CRISPLD1: variants seen among roughly 807,000 people sequenced by gnomAD.
CRISPLD1 encodes the protein cysteine rich secretory protein LCCL domain containing 1, also known as cysteine-rich secretory protein LCCL domain-containing 1.
Under a neutral mutation model 77.5 loss-of-function variants are expected in CRISPLD1, and 60 were observed. The ratio of observed to expected loss-of-function variants is 0.77; its 90% CI spans 0.63 to 0.96. The LOEUF (loss-of-function observed/expected upper bound fraction) is 0.96, where lower values mean the gene tolerates loss of function less well. CRISPLD1 is among the 40% of genes least tolerant of loss of function. CRISPLD1 has a pLI of 0.00. For missense variants in CRISPLD1, 623 were observed against 615.8 expected (o/e 1.01, Z -0.12); for synonymous variants, 195 against 200.1 (o/e 0.97, Z 0.22).
chr8:74,995,313 A>G (rs1172268633), intron 2 of CRISPLD1, among the ~76,000 whole-genome samples: 2 of 152,272 alleles, frequency 1.3e-5, no homozygotes, highest in Non-Finnish European at 2.9e-5. Flanking sequence ...TAAAATGCAG[A>G]TATGACAATT....
chr8:75,018,994 C>T (rs1296916295), intron 10 of CRISPLD1, among the ~76,000 whole-genome samples: 2 of 152,184 alleles, frequency 1.3e-5, no homozygotes, highest in East Asian at 3.8e-4. Context: ...GTAAGCCAAG[C>T]AGTGGGTGTT....
In CRISPLD1 at chr8:74,984,905, A is replaced by T. The variant is rs1187378828; in HGVS notation, c.-78A>T. The stretch of plus-strand genomic sequence containing the variant: ...CGGTTTGGCTCACCTCTCCCAGGAA[A>T]CTTCACACTGGAGAGGTAAGGGCGA... On this transcript the variant is annotated 5_prime_UTR_variant, in exon 1 of 15. Transcript: ENST00000262207. 6.6e-6 allele frequency: 1 copy of T among 152,178 alleles called. No homozygotes were observed. Among genetic ancestry groups the T allele is most frequent in the Admixed American group, 6.5e-5 (1 of 15,282 alleles). The allele number at this position is 152,178 out of a possible 1,614,324, so 9.4% of individuals were successfully genotyped here.
chr8:75,009,602 C>A (rs1323999826), intron 2 of CRISPLD1, among the ~76,000 whole-genome samples: 1 of 151,352 alleles, frequency 6.6e-6, no homozygotes, highest in Admixed American at 6.6e-5. Context: ...AAAAAACCTA[C>A]AGATAAGTGT....
At chr8:74,985,422 A>C (rs975537837) in intron 1 of CRISPLD1, among the ~76,000 whole-genome samples, 1 of 151,998 alleles carries the variant, frequency 6.6e-6, no homozygotes, top group Non-Finnish European at 1.5e-5. Flanking sequence ...TGAAACATTC[A>C]CTCTCAATTT....
chr8:75,008,008 A>G (rs1341779353), intron 2 of CRISPLD1, among the ~76,000 whole-genome samples: 1 of 152,240 alleles, frequency 6.6e-6, no homozygotes, highest in East Asian at 1.9e-4. Context: ...TTATCTGTCA[A>G]AAAGTTTAAA....
chr8:74,998,685 C>CAAAAAAAAAAAAAAA (rs368258595), intron 2 of CRISPLD1, among the ~76,000 whole-genome samples: 2 of 50,982 alleles, frequency 3.9e-5, no homozygotes, highest in African/African-American at 7.2e-5. Context: ...GACTCCATCT[C>CAAAAAAAAAAAAAAA]AAAAAAAAAA....
intron 12 of CRISPLD1, among the ~76,000 whole-genome samples, chr8:75,020,815 C>T (rs80087819): frequency 0.01 from 1,583 of 152,172 alleles, 30 homozygotes; most frequent in African/African-American, 0.036. Context: ...TTAAAAAGCC[C>T]ATCTTTACCT....
rs146467876 is a variant in CRISPLD1 at position 75,008,439 on chromosome 8, C to T, written c.259-3994C>T. ...GTAGAACTTACTGGCAGTTTTAAAA[C>T]GTGAAATAATATGTTGTAGCTTTAA... is the stretch of plus-strand genomic sequence containing the variant. On this transcript the variant is annotated intron_variant, in intron 2 of 14. Coordinates refer to ENST00000262207, the MANE Select transcript of CRISPLD1 (RefSeq NM_031461.6). Among the ~76,000 whole-genome samples the T allele has an allele frequency of 2.0e-3, 299 of 152,228 alleles. 1 individual carries two copies. The highest frequency in any genetic ancestry group is 6.5e-3 in the African/African-American group (271 of 41,538).
At chr8:74,988,448 T>C (rs1173651363) in intron 2 of CRISPLD1, among the ~76,000 whole-genome samples, 3 of 152,292 alleles carry the variant, frequency 2.0e-5, no homozygotes, top group Admixed American at 6.5e-5. Context: ...GTTAACTCTT[T>C]GTCTTTAAAC....
chr8:75,009,436 G>C (rs1413265500), intron 2 of CRISPLD1, among the ~76,000 whole-genome samples: 1 of 152,114 alleles, frequency 6.6e-6, no homozygotes. Flanking sequence ...AAATTCAAGG[G>C]AAGAGGGGGG....
chr8:75,016,861 A>G lies in CRISPLD1; in HGVS notation c.869-20A>G. ...TGCTTTTATATTATTTAAGTTATTT[A>G]GGTATTTTTTTCTTTGTAGCCCAAA... On this transcript the variant is annotated intron_variant, in intron 7 of 14. Transcript: ENST00000262207. 6.5e-7 allele frequency: 1 copy of G among 1,547,216 alleles called. No homozygotes were observed. Among genetic ancestry groups the G allele is most frequent in the Non-Finnish European group, 8.8e-7 (1 of 1,142,552 alleles).
chr8:75,032,310 CTG>C lies in CRISPLD1; in HGVS notation c.*70_*71del. The C allele has an allele frequency of 1.6e-6, 2 of 1,259,884 alleles. No individual in the cohort carries two copies. The highest frequency in any genetic ancestry group is 1.8e-5 in the Admixed American group (1 of 54,204). 78.0% of individuals were successfully genotyped at this position (1,259,884 alleles called of 1,614,324 possible). A position where few individuals can be genotyped will look rare whatever the true frequency, so the allele number is the denominator to read the frequency against. Reference sequence around the variant, plus strand: ...CAATATTTCTGAATTTTGTATAAAACTGTAACATTACTGTACAGAGTACATCA... The same window carrying C: ...CAATATTTCTGAATTTTGTATAAAACTAACATTACTGTACAGAGTACATCA... On this transcript the variant is annotated 3_prime_UTR_variant, in exon 15 of 15. Coordinates refer to ENST00000262207, the MANE Select transcript of CRISPLD1 (RefSeq NM_031461.6).
At chr8:75,004,931 TATTAAG>T (rs905846855) in intron 2 of CRISPLD1, among the ~76,000 whole-genome samples, 4 of 152,288 alleles carry the variant, frequency 2.6e-5, no homozygotes, top group African/African-American at 9.6e-5. Context: ...TTTAACTTTT[TATTAAG>T]ATTATCTTCT....
At chr8:75,002,258 A>G (rs551068513) in intron 2 of CRISPLD1, among the ~76,000 whole-genome samples, 84 of 151,088 alleles carry the variant, frequency 5.6e-4, no homozygotes, top group Non-Finnish European at 2.2e-4. Flanking sequence ...TCTCTTACCC[A>G]TATAAATACC....
chr8:75,019,149 A>G (rs1813088952), intron 10 of CRISPLD1, among the ~76,000 whole-genome samples: 1 of 152,150 alleles, frequency 6.6e-6, no homozygotes, highest in African/African-American at 2.4e-5. Flanking sequence ...TCTTTTGGAC[A>G]CGTTATAGAT....
chr8:74,989,186 T>A (rs1812537086), intron 2 of CRISPLD1, among the ~76,000 whole-genome samples: 1 of 152,116 alleles, frequency 6.6e-6, no homozygotes. Flanking sequence ...CAGATTAAGT[T>A]CATGGAAGCA....
chr8:75,010,790 T>C (rs1013521573), intron 2 of CRISPLD1, among the ~76,000 whole-genome samples: 1 of 152,056 alleles, frequency 6.6e-6, no homozygotes, highest in African/African-American at 2.4e-5. Flanking sequence ...AGAATTTTCT[T>C]TTTTATTCGT....
At chr8:74,996,608 T>C (rs1812649272) in intron 2 of CRISPLD1, among the ~76,000 whole-genome samples, 2 of 150,238 alleles carry the variant, frequency 1.3e-5, no homozygotes, top group African/African-American at 4.9e-5. Context: ...AAGTCAGGAA[T>C]AAGGTTGGAA....
intron 2 of CRISPLD1, chr8:75,000,111 C>T: frequency 7.1e-6 from 7 of 983,204 alleles, no homozygotes; most frequent in Non-Finnish European, 6.0e-6. Flanking sequence ...TCTGGAATGT[C>T]CCCTGTATGT....
Sources: allele counts gnomAD v4.1 joint callset (sites outside exome capture counted in the v4.1 genomes callset), GRCh38; gene constraint gnomAD v4.1.1; transcripts MANE v1.5; gene names NCBI Gene and HGNC (gene_info 2026-07-23, HGNC 2026-07-21).